OPCML: variants seen among roughly 807,000 people sequenced by gnomAD.
OPCML encodes opioid binding protein/cell adhesion molecule like, also known as opioid-binding protein/cell adhesion molecule.
Under a neutral mutation model 37.8 loss-of-function variants are expected in OPCML, and 13 were observed. That is an observed-to-expected ratio of 0.34 (90% confidence interval 0.22 to 0.55). The LOEUF (loss-of-function observed/expected upper bound fraction) is 0.55, where lower values mean the gene tolerates loss of function less well. OPCML is among the 20% of genes least tolerant of loss of function. The pLI is 0.91. For missense variants in OPCML, 341 were observed against 435.6 expected, an observed-to-expected ratio of 0.78 and a Z score of 1.93; for synonymous variants, 176 against 168.8, an observed-to-expected ratio of 1.04 and a Z score of -0.33.
chr11:133,106,999 G>A (rs1165112523), intron 1 of OPCML, among the ~76,000 whole-genome samples: 2 of 152,130 alleles, frequency 1.3e-5, no homozygotes, highest in Admixed American at 6.5e-5. Context: ...TAGGTAATAC[G>A]TTCCGGTCTT....
At chr11:133,523,611 GA>G (rs1948435014) in intron 1 of OPCML, among the ~76,000 whole-genome samples, 2 of 152,150 alleles carry the variant, frequency 1.3e-5, no homozygotes, top group Non-Finnish European at 2.9e-5. Flanking sequence ...CACATCAACA[GA>G]GTTCCATTAT....
rs796489739 is a variant in OPCML, at chr11:133,208,164, A to G, written c.62-265154T>C. 4.6e-5 allele frequency among the ~76,000 whole-genome samples: 7 copies of G among 152,286 alleles called. No homozygotes were observed. Among genetic ancestry groups the G allele is most frequent in the African/African-American group, 1.7e-4 (7 of 41,552 alleles). ...GGTCTTCCTTACTGTATTATACATT[A>G]TGCTGGGGAAGGCAGACTGTCTATC... On this transcript the variant is annotated intron_variant, in intron 1 of 7. Transcript: ENST00000524381. This position sits in a 1 kb window ranked among gnomAD's most constrained non-coding sequence, Gnocchi z 8.9.
chr11:133,456,996 C>G (rs576103689), intron 1 of OPCML, among the ~76,000 whole-genome samples: 1 of 152,102 alleles, frequency 6.6e-6, no homozygotes, highest in Non-Finnish European at 1.5e-5. Flanking sequence ...AAGATAAATA[C>G]GGACACGCAA....
At chr11:133,316,801 G>C (rs1004183109) in intron 1 of OPCML, among the ~76,000 whole-genome samples, 3 of 152,164 alleles carry the variant, frequency 2.0e-5, no homozygotes, top group Admixed American at 6.6e-5. Flanking sequence ...ATGCATTAAA[G>C]AAATTATGAC....
intron 1 of OPCML, among the ~76,000 whole-genome samples, chr11:132,946,553 G>T (rs1277685509): frequency 2.0e-5 from 3 of 152,286 alleles, no homozygotes; most frequent in Non-Finnish European, 2.9e-5. Flanking sequence ...AGGATGAGAA[G>T]TTTTTAGTTC....
At chr11:132,904,819 A>C (rs1427292824) in intron 2 of OPCML, among the ~76,000 whole-genome samples, 1 of 152,172 alleles carries the variant, frequency 6.6e-6, no homozygotes, top group African/African-American at 2.4e-5. Flanking sequence ...CTGTGTGTGG[A>C]AAAACCTGCC....
intron 4 of OPCML, among the ~76,000 whole-genome samples, chr11:132,488,711 T>A (rs2096207347): frequency 6.6e-6 from 1 of 152,256 alleles, no homozygotes; most frequent in African/African-American, 2.4e-5. Context: ...ACAACTATTT[T>A]ACTTTACCAA....
At chr11:133,101,750 T>C (rs909886252) in intron 1 of OPCML, among the ~76,000 whole-genome samples, 1 of 152,164 alleles carries the variant, frequency 6.6e-6, no homozygotes, top group African/African-American at 2.4e-5. Context: ...CTTATGCCCA[T>C]AAAAACGCCT....
intron 4 of OPCML, among the ~76,000 whole-genome samples, chr11:132,517,053 T>G (rs886554534): frequency 2.6e-5 from 4 of 152,158 alleles, no homozygotes; most frequent in Non-Finnish European, 5.9e-5. Context: ...CACAGCTGGT[T>G]AGGCCCCAGT....
In OPCML at chr11:133,206,944, T is replaced by C. The variant is rs1939090964; in HGVS notation, c.62-263934A>G. Among the ~76,000 whole-genome samples, 2 of 151,998 alleles carry C rather than the reference T, an allele frequency of 1.3e-5. No homozygotes were observed. The highest frequency in any genetic ancestry group is 4.2e-4 in the South Asian group (2 of 4,792). ...AGGCCCGGATCACGTAATCCAGATGTTGCTCCTGAAATGCACTCACGTGAT... is the reference window on the plus strand; with the variant it reads ...AGGCCCGGATCACGTAATCCAGATGCTGCTCCTGAAATGCACTCACGTGAT... On this transcript the variant is annotated intron_variant, in intron 1 of 7. Coordinates refer to ENST00000524381, the MANE Select transcript of OPCML (RefSeq NM_001012393.5). The surrounding 1 kb of genome is among the most constrained non-coding windows in gnomAD (Gnocchi z 4.7).
chr11:132,816,694 G>A (rs571718101), intron 2 of OPCML, among the ~76,000 whole-genome samples: 45 of 152,106 alleles, frequency 3.0e-4, no homozygotes, highest in Non-Finnish European at 6.2e-4. Context: ...AGAGTTTTTG[G>A]TCCGTTGTGG....
At chr11:132,527,271 C>T (rs777147868) in intron 4 of OPCML, among the ~76,000 whole-genome samples, 5 of 152,206 alleles carry the variant, frequency 3.3e-5, no homozygotes, top group East Asian at 3.9e-4. Context: ...CTGGGTCGTA[C>T]GCTAAGTGTA....
At chr11:133,389,929 A>G (rs1468276274) in intron 1 of OPCML, among the ~76,000 whole-genome samples, 2 of 152,242 alleles carry the variant, frequency 1.3e-5, no homozygotes, top group Non-Finnish European at 2.9e-5. Flanking sequence ...TAAAGCCCCC[A>G]TGAAAGAAAG....
chr11:132,655,773 C>T (rs1941674728), intron 3 of OPCML, among the ~76,000 whole-genome samples: 1 of 152,028 alleles, frequency 6.6e-6, no homozygotes, highest in Admixed American at 6.6e-5. Flanking sequence ...AATGGGCAAC[C>T]TGAATCATGC....
intron 1 of OPCML, among the ~76,000 whole-genome samples, chr11:133,409,278 A>T (rs7937203): frequency 6.6e-6 from 1 of 152,194 alleles, no homozygotes; most frequent in African/African-American, 2.4e-5. Flanking sequence ...TTACGTCACC[A>T]AAGTACTGTT....
chr11:132,677,815 G>A (rs115844733), intron 2 of OPCML, among the ~76,000 whole-genome samples: 2,489 of 152,102 alleles, frequency 0.016, 71 homozygotes, highest in African/African-American at 0.057. Context: ...ATAAAAACAG[G>A]AGAAAATCTA....
intron 1 of OPCML, among the ~76,000 whole-genome samples, chr11:132,983,207 G>A (rs191518011): frequency 2.7e-4 from 41 of 152,228 alleles, no homozygotes; most frequent in East Asian, 5.8e-4. Context: ...GCCATGGCCC[G>A]GTGACCTTTC....
chr11:133,464,593 AT>A (rs1358682482), intron 1 of OPCML, among the ~76,000 whole-genome samples: 1 of 152,178 alleles, frequency 6.6e-6, no homozygotes, highest in African/African-American at 2.4e-5. Context: ...AGGTATTAAC[AT>A]CCAGAGTGGC....
chr11:132,556,115 A>C (rs1046883365), intron 3 of OPCML, among the ~76,000 whole-genome samples: 11 of 151,836 alleles, frequency 7.2e-5, no homozygotes, highest in Admixed American at 1.3e-4. Context: ...ATTTAGAAAA[A>C]AAAATTTTGT....
Sources: allele counts gnomAD v4.1 joint callset (sites outside exome capture counted in the v4.1 genomes callset), GRCh38; gene constraint gnomAD v4.1.1; non-coding constraint Gnocchi (gnomAD v3.1); transcripts MANE v1.5; gene names NCBI Gene and HGNC (gene_info 2026-07-23, HGNC 2026-07-21).